MCPH1: variants seen among roughly 807,000 people sequenced by gnomAD.
The protein encoded by MCPH1 is microcephalin 1.
A neutral mutation model predicts 84.5 loss-of-function variants in MCPH1; 104 were observed. The ratio of observed to expected loss-of-function variants is 1.23; its 90% CI spans 1.05 to 1.45. MCPH1 has a LOEUF of 1.45. Among genes scored for constraint, MCPH1 ranks in the 40% most tolerant of loss-of-function variants. MCPH1 has a pLI of 0.00. For missense variants in MCPH1, 1,498 were observed against 1,005.7 expected, an observed-to-expected ratio of 1.49 and a Z score of -6.62; for synonymous variants, 514 against 366.8, an observed-to-expected ratio of 1.40 and a Z score of -4.58.
At chr8:6,602,577 G>T (rs892886205) in intron 12 of MCPH1, among the ~76,000 whole-genome samples, 1 of 152,096 alleles carries the variant, frequency 6.6e-6, no homozygotes, top group African/African-American at 2.4e-5. Context: ...TCCCCAAAGC[G>T]GGGAAGGCTG....
chr8:6,635,244 G>T (rs1797462588), intron 13 of MCPH1: 1 of 151,336 alleles, frequency 6.6e-6, no homozygotes, highest in Admixed American at 6.6e-5. Flanking sequence ...AGCCAGAATG[G>T]TTCTGAATCA....
intron 12 of MCPH1, chr8:6,503,003 T>C: frequency 7.1e-7 from 1 of 1,415,880 alleles, no homozygotes; most frequent in Non-Finnish European, 9.8e-7. Context: ...ACGCCCTCTG[T>C]GGTGGAAGAG....
chr8:6,621,636 C>A lies in MCPH1; in HGVS notation c.2397C>A (p.Pro799=), dbSNP rs1158113603. 1 of 1,614,226 alleles carries A rather than the reference C, an allele frequency of 6.2e-7. No homozygotes were observed. The highest frequency in any genetic ancestry group is 1.1e-5 in the South Asian group (1 of 91,082). Residue 799 remains proline, a synonymous_variant, in exon 13 of 14, where the codon CCC becomes CCA. Transcript: ENST00000344683. ...VPRQASIVIG[P]YSGKKKATVK... Reference sequence around the variant, plus strand: ...GCCAGGCCAGCATCGTCATCGGGCCCTACAGCGGAAAGAAGAAAGCCACAG... The same window carrying A: ...GCCAGGCCAGCATCGTCATCGGGCCATACAGCGGAAAGAAGAAAGCCACAG...
intron 12 of MCPH1, among the ~76,000 whole-genome samples, chr8:6,572,186 GAAAAA>G (rs10706929): frequency 6.7e-6 from 1 of 149,310 alleles, no homozygotes; most frequent in Non-Finnish European, 1.5e-5. Flanking sequence ...TTTCCCTCAA[GAAAAA>G]AAAAAAATGA....
At chr8:6,626,740 C>T (rs1426498164) in intron 13 of MCPH1, 1 of 985,186 alleles carries the variant, frequency 1.0e-6, no homozygotes, top group Non-Finnish European at 1.2e-6. Context: ...GGGTGAGGAT[C>T]ACAAGCCCTT....
At chr8:6,590,518 C>A (rs1042327398) in intron 12 of MCPH1, among the ~76,000 whole-genome samples, 1 of 152,196 alleles carries the variant, frequency 6.6e-6, no homozygotes, top group African/African-American at 2.4e-5. Context: ...TAGACAGAAT[C>A]TGCTGCTATC....
chr8:6,593,310 T>C (rs1185564867), intron 12 of MCPH1, among the ~76,000 whole-genome samples: 2 of 152,188 alleles, frequency 1.3e-5, no homozygotes, highest in East Asian at 3.9e-4. Context: ...CTCAAACTCC[T>C]GACCTCAGAT....
intron 9 of MCPH1, among the ~76,000 whole-genome samples, chr8:6,464,144 C>T (rs1047446062): frequency 6.6e-6 from 1 of 152,170 alleles, no homozygotes; most frequent in Non-Finnish European, 1.5e-5. Context: ...TAGTGCCGAC[C>T]AGCCGGCCAG....
chr8:6,446,008 C>G (rs934990415), intron 8 of MCPH1: 2 of 979,272 alleles, frequency 2.0e-6, no homozygotes, highest in Non-Finnish European at 2.4e-6. Context: ...GTGTGAAAAA[C>G]TACTTTTAGA....
intron 12 of MCPH1, among the ~76,000 whole-genome samples, chr8:6,571,318 G>A (rs906876021): frequency 1.3e-5 from 2 of 152,114 alleles, no homozygotes; most frequent in African/African-American, 4.8e-5. Flanking sequence ...CCTGTGTTAA[G>A]TCAAATAAAG....
In MCPH1 at chr8:6,409,336, C is replaced by T. The variant is rs199422124; in HGVS notation, c.80C>T (p.Thr27Ile). The change falls in exon 2 of 14, where the codon ACA becomes ATA. Residue 27 changes from threonine to isoleucine, a missense_variant. Transcript: ENST00000344683. ...SSNGTENYSKTFTTQLVDMGA... is the reference protein window; with the variant it reads ...SSNGTENYSKIFTTQLVDMGA... ...AATGGAACAGAAAATTATTCAAAGA[C>T]ATTTACAACACAGCTTGTGGATATG... The T allele has an allele frequency of 1.2e-6, 2 of 1,613,876 alleles. No individual in the cohort carries two copies. Among genetic ancestry groups the T allele is most frequent in the African/African-American group, 2.7e-5 (2 of 74,914 alleles).
intron 12 of MCPH1, chr8:6,502,008 G>T (rs1208635546): frequency 6.6e-6 from 1 of 151,464 alleles, no homozygotes; most frequent in African/African-American, 2.4e-5. Context: ...TAAATTTAAG[G>T]GTGAATCTTG....
At chr8:6,546,075 A>T (rs1261650729) in intron 12 of MCPH1, among the ~76,000 whole-genome samples, 1 of 152,238 alleles carries the variant, frequency 6.6e-6, no homozygotes, top group African/African-American at 2.4e-5. Context: ...CTTAGGAACT[A>T]CTGGCTCAAT....
chr8:6,474,602 C>A (rs986654993), intron 9 of MCPH1, among the ~76,000 whole-genome samples: 7 of 152,176 alleles, frequency 4.6e-5, no homozygotes, highest in Admixed American at 4.6e-4. Flanking sequence ...TGATTAAGCA[C>A]AAATTTACAT....
At chr8:6,613,426 A>G (rs989121263) in intron 12 of MCPH1, among the ~76,000 whole-genome samples, 2 of 151,652 alleles carry the variant, frequency 1.3e-5, no homozygotes, top group Non-Finnish European at 2.9e-5. Context: ...TCTGACGTGG[A>G]GAGAAGGGCC....
At chr8:6,416,025 T>G (rs989065107) in intron 3 of MCPH1, among the ~76,000 whole-genome samples, 5 of 152,232 alleles carry the variant, frequency 3.3e-5, no homozygotes, top group African/African-American at 1.2e-4. Flanking sequence ...CTAGGTTAAA[T>G]TTATTCCTAA....
chr8:6,414,951 C>G, intron 3 of MCPH1, 68 bp downstream of exon 3: 9 of 1,529,370 alleles, frequency 5.9e-6, no homozygotes, highest in Non-Finnish European at 8.1e-6. Context: ...AGATATTTTT[C>G]ACAGATCGCA....
intron 3 of MCPH1, among the ~76,000 whole-genome samples, chr8:6,430,046 T>G (rs570042268): frequency 6.6e-6 from 1 of 152,360 alleles, no homozygotes; most frequent in South Asian, 2.1e-4. Flanking sequence ...GCACTGTGCT[T>G]GAGTCTATGC....
intron 12 of MCPH1, chr8:6,616,921 A>C: frequency 6.6e-6 from 1 of 151,646 alleles, no homozygotes; most frequent in Non-Finnish European, 1.5e-5. Context: ...TCACTGTAAA[A>C]CTCCATTTGA....
Sources: gnomAD v4.1 joint callset for allele counts (sites outside exome capture counted in the v4.1 genomes callset) on GRCh38, gnomAD v4.1.1 for gene constraint, MANE v1.5 for transcripts, NCBI Gene and HGNC (gene_info 2026-07-23, HGNC 2026-07-21) for gene names.